TENM3: variants seen among roughly 807,000 people sequenced by gnomAD.
TENM3 encodes teneurin transmembrane protein 3, also known as teneurin-3.
A neutral mutation model predicts 255.1 loss-of-function variants in TENM3; 63 were observed. The ratio of observed to expected loss-of-function variants is 0.25; its 90% CI spans 0.20 to 0.30. The LOEUF (loss-of-function observed/expected upper bound fraction) is 0.30. Among genes scored for constraint, TENM3 ranks in the 10% least tolerant of loss-of-function variants. The pLI is 1.00. For missense variants in TENM3, 2,929 were observed against 3,461.1 expected, an observed-to-expected ratio of 0.85 and a Z score of 3.86; for synonymous variants, 1,306 against 1,322.3, an observed-to-expected ratio of 0.99 and a Z score of 0.27.
chr4:182,744,474 AAGCCATGTTGAAC>A, intron 19 of TENM3, among the ~76,000 whole-genome samples: 1 of 152,178 alleles, frequency 6.6e-6, no homozygotes, highest in African/African-American at 2.4e-5. Context: ...GACACAATCT[AAGCCATGTTGAAC>A]AGCATGAAAC....
the TENM3 span, among the ~76,000 whole-genome samples, chr4:181,932,188 A>G: frequency 6.6e-6 from 1 of 152,342 alleles, no homozygotes; most frequent in Middle Eastern, 3.4e-3. Context: ...TAAACTAAAG[A>G]GCTTCTGCAC....
At chr4:181,839,766 T>G in the TENM3 span, among the ~76,000 whole-genome samples, 1 of 151,748 alleles carries the variant, frequency 6.6e-6, no homozygotes, top group Admixed American at 6.6e-5. Flanking sequence ...TCCTAACTCT[T>G]GCTTGTATGA....
the TENM3 span, among the ~76,000 whole-genome samples, chr4:181,555,512 A>G: frequency 6.6e-6 from 1 of 152,246 alleles, no homozygotes; most frequent in Non-Finnish European, 1.5e-5. Flanking sequence ...TTTAATTGAT[A>G]AAAACAAATA....
intron 8 of TENM3, 129 bp from the exon 9 acceptor site, chr4:182,680,119 C>A: frequency 1.3e-6 from 1 of 763,320 alleles, no homozygotes; most frequent in Non-Finnish European, 2.2e-6. Flanking sequence ...TGAAAATCTG[C>A]ATTTGAAGTG....
chr4:182,040,752 C>T, the TENM3 span, among the ~76,000 whole-genome samples: 3 of 152,152 alleles, frequency 2.0e-5, no homozygotes, highest in African/African-American at 7.2e-5. Context: ...AAGGTTCAAA[C>T]CTAAAAGTAA....
At chr4:182,564,292 G>GA (rs1743529991) in intron 3 of TENM3, among the ~76,000 whole-genome samples, 1 of 143,028 alleles carries the variant, frequency 7.0e-6, no homozygotes, top group East Asian at 2.1e-4. Flanking sequence ...TCTTTTATGT[G>GA]AAAACCTTTC....
intron 1 of TENM3, among the ~76,000 whole-genome samples, chr4:182,281,752 T>C (rs1379826633): frequency 6.6e-6 from 1 of 152,202 alleles, no homozygotes; most frequent in African/African-American, 2.4e-5. Context: ...ATTTTATTTA[T>C]TTTCAGACGA....
the TENM3 span, among the ~76,000 whole-genome samples, chr4:182,004,746 G>A: frequency 6.6e-6 from 1 of 152,200 alleles, no homozygotes; most frequent in African/African-American, 2.4e-5. Context: ...ATTATTTCCT[G>A]ACTTTTTAAT....
At chr4:181,458,610 C>T in the TENM3 span, among the ~76,000 whole-genome samples, 37 of 151,918 alleles carry the variant, frequency 2.4e-4, no homozygotes, top group African/African-American at 8.5e-4. Flanking sequence ...TAATTTGAGA[C>T]CTTATGACCA....
chr4:182,711,607 G>C, intron 12 of TENM3: 1 of 975,860 alleles, frequency 1.0e-6, no homozygotes. Flanking sequence ...TAAAGGTACT[G>C]TATACTCGCT....
At chr4:181,630,366 A>G in the TENM3 span, among the ~76,000 whole-genome samples, 2 of 151,554 alleles carry the variant, frequency 1.3e-5, no homozygotes, top group Admixed American at 1.3e-4. Context: ...TTAGTTATTT[A>G]TTGCCTTCCG....
the TENM3 span, among the ~76,000 whole-genome samples, chr4:181,482,176 T>C: frequency 6.6e-6 from 1 of 152,270 alleles, no homozygotes; most frequent in African/African-American, 2.4e-5. Flanking sequence ...TAATGATGTT[T>C]TGATATATAT....
At chr4:181,556,841 T>C in the TENM3 span, among the ~76,000 whole-genome samples, 1 of 152,310 alleles carries the variant, frequency 6.6e-6, no homozygotes, top group East Asian at 1.9e-4. Context: ...TAAGACTTTA[T>C]AACTTGCAAC....
At chr4:181,726,683 C>A in the TENM3 span, among the ~76,000 whole-genome samples, 1 of 152,188 alleles carries the variant, frequency 6.6e-6, no homozygotes, top group South Asian at 2.1e-4. Context: ...AATTCTGCAG[C>A]AGTCTCAAGC....
the TENM3 span, among the ~76,000 whole-genome samples, chr4:181,870,955 T>G: frequency 1.3e-5 from 2 of 152,124 alleles, no homozygotes; most frequent in Admixed American, 1.3e-4. Flanking sequence ...ATGCATAGTG[T>G]GAAGTAGGGG....
Position 182,217,009 on chromosome 4 carries a change from C to CTTTTTT in TENM3, c.-76+72281_-76+72286dup, listed in dbSNP as rs3071526. On this transcript the variant is annotated intron_variant, in intron 1 of 2. Transcript: ENST00000512480. ...TCTAAATTTCACCATCATTTTCTTT[C>CTTTTTT]TTTTTTTTTTTTTTTTTTTTTTTTT... Among the ~76,000 whole-genome samples the CTTTTTT allele has an allele frequency of 1.4e-3, 95 of 67,512 alleles. 5 individuals carry two copies. The highest frequency in any genetic ancestry group is 2.8e-3 in the Admixed American group (11 of 3,986). 44.3% of individuals were successfully genotyped at this position (67,512 alleles called of 152,430 possible).
chr4:182,600,964 C>G lies in TENM3; in HGVS notation c.552C>G (p.Pro184=). Residue 184 remains proline (P), a synonymous_variant, in exon 4 of 28, where the codon CCC becomes CCG. Transcript: ENST00000511685. ...ATCAAGGCCAGTCTACCCTGCAGCC[C>G]TTGCCGCCTTCCCATAAGCAGCACT... The part of the protein sequence containing the change: ...ASNQGQSTLQ[P]LPPSHKQHSA... 6.3e-7 allele frequency: 1 copy of G among 1,599,478 alleles called. No individual in the cohort carries two copies. Among genetic ancestry groups the G allele is most frequent in the Non-Finnish European group, 8.5e-7 (1 of 1,175,974 alleles).
intron 4 of TENM3, among the ~76,000 whole-genome samples, chr4:182,628,224 G>A (rs778115940): frequency 2.0e-5 from 3 of 152,072 alleles, no homozygotes; most frequent in Non-Finnish European, 2.9e-5. Flanking sequence ...TTATATGAGC[G>A]CATAGTCTCA....
chr4:182,133,166 C>G, the TENM3 span, among the ~76,000 whole-genome samples: 1 of 152,190 alleles, frequency 6.6e-6, no homozygotes, highest in African/African-American at 2.4e-5. Context: ...AAAACAGGGT[C>G]ACGTCCTTAA....
Sources: gnomAD v4.1 joint callset for allele counts (sites outside exome capture counted in the v4.1 genomes callset) on GRCh38, gnomAD v4.1.1 for gene constraint, MANE v1.5 for transcripts, NCBI Gene and HGNC (gene_info 2026-07-23, HGNC 2026-07-21) for gene names.